SNAPC1: variants seen among roughly 807,000 people sequenced by gnomAD.
SNAPC1 encodes the protein snRNA-activating protein complex subunit 1.
A neutral mutation model predicts 50.1 loss-of-function variants in SNAPC1; 42 were observed. The observed-to-expected ratio is 0.84, with a 90% confidence interval of 0.65 to 1.08. SNAPC1 has a LOEUF of 1.08. Ranked by LOEUF, SNAPC1 falls within the 50% of genes least tolerant of loss-of-function variation. The pLI, the probability that SNAPC1 is intolerant of heterozygous loss-of-function variation, is 0.00. For missense variants in SNAPC1, 477 were observed against 427.3 expected, an observed-to-expected ratio of 1.12 and a Z score of -1.02; for synonymous variants, 164 against 144.2, an observed-to-expected ratio of 1.14 and a Z score of -0.98.
chr14:61,782,758 A>T lies in SNAPC1; in HGVS notation c.976+361A>T, dbSNP rs145666950. Among the ~76,000 whole-genome samples, 1,331 of 151,948 alleles carry T rather than the reference A, an allele frequency of 8.8e-3. 10 individuals carry two copies. The highest frequency in any genetic ancestry group is 0.014 in the Middle Eastern group (4 of 294). On this transcript the variant is annotated intron_variant, in intron 8 of 9. Coordinates refer to ENST00000216294, the MANE Select transcript of SNAPC1 (RefSeq NM_003082.4). ...AACCCTGTTTCTACTAAAAATATAA[A>T]AGTCGGGCATGGTAGCGCATGCCTG...
At position 61,793,100 on chromosome 14, in the gene SNAPC1, G is replaced by A. The variant is rs368942707; in HGVS notation, c.1072+198G>A. ...TCAGGGATAATACAATAAATGAATG[G>A]TATGGATACCCATTAGGTATCCTAT... On this transcript the variant is annotated intron_variant, in intron 9 of 9. Coordinates refer to ENST00000216294, the MANE Select transcript of SNAPC1 (RefSeq NM_003082.4). Among the ~76,000 whole-genome samples, 8 of 152,304 alleles carry A rather than the reference G, an allele frequency of 5.3e-5. No individual in the cohort carries two copies. In the East Asian group the frequency reaches 1.3e-3, roughly 26 times the overall value.
chr14:61,790,921 G>T (rs372428316), intron 8 of SNAPC1, among the ~76,000 whole-genome samples: 1 of 152,184 alleles, frequency 6.6e-6, no homozygotes, highest in African/African-American at 2.4e-5. Flanking sequence ...CACACATTTA[G>T]CTTTGAGCAT....
chr14:61,776,037 G>A (rs1566589836), intron 4 of SNAPC1, 58 bp from the exon 5 acceptor site: 2 of 1,387,914 alleles, frequency 1.4e-6, no homozygotes, highest in Non-Finnish European at 2.0e-6. Flanking sequence ...TGTTGGTTTT[G>A]CCTTTTAGTT....
chr14:61,776,414 G>A (rs2045035780), intron 5 of SNAPC1, among the ~76,000 whole-genome samples, 161 bp downstream of exon 5: 1 of 151,836 alleles, frequency 6.6e-6, no homozygotes, highest in Non-Finnish European at 1.5e-5. Flanking sequence ...CACTTATTAG[G>A]TATGTGATGT....
chr14:61,783,321 G>A (rs1472127347), intron 8 of SNAPC1, among the ~76,000 whole-genome samples: 1 of 151,784 alleles, frequency 6.6e-6, no homozygotes, highest in East Asian at 1.9e-4. Context: ...ATGAGCCACC[G>A]CACGCGGCCT....
chr14:61,773,343 A>G, intron 4 of SNAPC1, among the ~76,000 whole-genome samples: 1 of 148,488 alleles, frequency 6.7e-6, no homozygotes. Flanking sequence ...TGTTTTATGT[A>G]TGTTATCTCA....
chr14:61,764,743 A>G (rs1458926274), intron 1 of SNAPC1, among the ~76,000 whole-genome samples: 2 of 152,244 alleles, frequency 1.3e-5, no homozygotes, highest in East Asian at 3.8e-4. Context: ...GGGAGAACCT[A>G]AAATGATAAA....
At chr14:61,777,597 C>A (rs2045044227) in intron 5 of SNAPC1, among the ~76,000 whole-genome samples, 1 of 148,684 alleles carries the variant, frequency 6.7e-6, no homozygotes, top group South Asian at 2.2e-4. Context: ...AGGGATAGAA[C>A]CAGTTTAGTT....
rs576515383 is a variant in SNAPC1 at position 61,793,007 on chromosome 14, G to A, written c.1072+105G>A. ...ACATGACAGTTTGCTGTGTGTTCTT[G>A]TGATCCTTTCATCTTTGACCCATTG... is the stretch of plus-strand genomic sequence containing the variant. On this transcript the variant is annotated intron_variant, in intron 9 of 9. Transcript: ENST00000216294. 2.8e-5 allele frequency: 16 copies of A among 574,668 alleles called. 1 individual carries two copies. In the South Asian group the frequency reaches 3.0e-4, roughly 11 times the overall value. The allele number at this position is 574,668 out of a possible 1,614,324, so 35.6% of individuals were successfully genotyped here.
chr14:61,780,426 AG>A (rs2045063645), intron 7 of SNAPC1, among the ~76,000 whole-genome samples: 2 of 152,168 alleles, frequency 1.3e-5, no homozygotes, highest in South Asian at 2.1e-4. Context: ...TATTCTCTAT[AG>A]ATTTTCAATG....
At chr14:61,764,188 T>G (rs1237963474) in intron 1 of SNAPC1, among the ~76,000 whole-genome samples, 2 of 152,192 alleles carry the variant, frequency 1.3e-5, no homozygotes, top group African/African-American at 4.8e-5. Flanking sequence ...AAATTTTCCT[T>G]TGACTAGACT....
chr14:61,772,016 A>G (rs1006064493), intron 4 of SNAPC1, among the ~76,000 whole-genome samples: 7 of 152,240 alleles, frequency 4.6e-5, no homozygotes, highest in Non-Finnish European at 8.8e-5. Context: ...AGAGAGGCAT[A>G]GGACATTTTC....
At chr14:61,771,461 T>C (rs961520864) in intron 4 of SNAPC1, among the ~76,000 whole-genome samples, 3 of 152,252 alleles carry the variant, frequency 2.0e-5, no homozygotes. Context: ...ACAAATGAAG[T>C]GTAACAAGAA....
intron 7 of SNAPC1, among the ~76,000 whole-genome samples, 156 bp downstream of exon 7, chr14:61,779,066 C>A (rs948095183): frequency 6.6e-6 from 1 of 152,170 alleles, no homozygotes; most frequent in Non-Finnish European, 1.5e-5. Flanking sequence ...TGCCACTTCC[C>A]ACCCTTGTAT....
chr14:61,765,215 T>G (rs1359916593), intron 1 of SNAPC1, among the ~76,000 whole-genome samples: 1 of 152,168 alleles, frequency 6.6e-6, no homozygotes, highest in African/African-American at 2.4e-5. Flanking sequence ...TTTGTTAACT[T>G]AGCACAGCAG....
intron 8 of SNAPC1, among the ~76,000 whole-genome samples, chr14:61,782,860 C>G (rs1056365868): frequency 1.3e-5 from 2 of 152,052 alleles, no homozygotes; most frequent in East Asian, 1.9e-4. Flanking sequence ...GAGCTGAGAT[C>G]ATGTCACTTC....
chr14:61,767,053 A>T lies in SNAPC1; in HGVS notation c.288+18A>T, dbSNP rs1566587077. 3 of 1,449,602 alleles carry T rather than the reference A, an allele frequency of 2.1e-6. No homozygotes were observed. Among genetic ancestry groups the T allele is most frequent in the Non-Finnish European group, 2.8e-6 (3 of 1,084,078 alleles). 89.8% of individuals were successfully genotyped at this position (1,449,602 alleles called of 1,614,324 possible). ...AACAAAAGGTAATACTTAGTGAGTT[A>T]TTTTTCCTTAGCAGAAATGTAAAAC... On this transcript the variant is annotated intron_variant, in intron 2 of 9. Transcript: ENST00000216294.
chr14:61,773,511 C>T (rs746678663), intron 4 of SNAPC1, among the ~76,000 whole-genome samples: 12 of 149,684 alleles, frequency 8.0e-5, no homozygotes, highest in South Asian at 2.1e-4. Context: ...TCTCCTGCCT[C>T]GGCCTGCTGA....
intron 1 of SNAPC1, among the ~76,000 whole-genome samples, chr14:61,766,156 C>G (rs147563698): frequency 6.6e-6 from 1 of 152,180 alleles, no homozygotes; most frequent in Non-Finnish European, 1.5e-5. Context: ...ATTTTATGTT[C>G]TTAGCTCCCA....
Sources: gnomAD v4.1 joint callset for allele counts (sites outside exome capture counted in the v4.1 genomes callset) on GRCh38, gnomAD v4.1.1 for gene constraint, MANE v1.5 for transcripts, NCBI Gene and HGNC (gene_info 2026-07-23, HGNC 2026-07-21) for gene names.